Variants in EPHA3 observed in about 807,000 individuals in gnomAD.
The protein encoded by EPHA3 is ephrin type-A receptor 3.
EPHA3 carries 42 observed loss-of-function variants against 107.1 expected under a neutral mutation model. The ratio of observed to expected loss-of-function variants is 0.39; its 90% CI spans 0.31 to 0.51. The LOEUF is 0.51. Among genes scored for constraint, EPHA3 ranks in the 20% least tolerant of loss-of-function variants. The pLI is 0.78. For missense variants in EPHA3, 1,183 were observed against 1,211.2 expected, an observed-to-expected ratio of 0.98 and a Z score of 0.35; for synonymous variants, 461 against 424.8, an observed-to-expected ratio of 1.09 and a Z score of -1.05.
intron 9 of EPHA3, 136 bp from the exon 10 acceptor site, chr3:89,413,005 A>G: frequency 9.0e-7 from 1 of 1,109,112 alleles, no homozygotes; most frequent in Non-Finnish European, 1.3e-6. Context: ...AGTTTCTGTG[A>G]TACTACAGAA....
chr3:89,376,569 A>C (rs1559671459), intron 5 of EPHA3, among the ~76,000 whole-genome samples: 1 of 151,970 alleles, frequency 6.6e-6, no homozygotes, highest in Non-Finnish European at 1.5e-5. Context: ...TTTATGTTTT[A>C]ATTTCATCAA....
intron 15 of EPHA3, among the ~76,000 whole-genome samples, chr3:89,457,166 A>G (rs1428162949): frequency 1.3e-5 from 2 of 152,216 alleles, no homozygotes; most frequent in Non-Finnish European, 2.9e-5. Flanking sequence ...GGGGAACACT[A>G]CAGAAAAGGG....
At chr3:89,121,790 A>G (rs1434476696) in intron 1 of EPHA3, among the ~76,000 whole-genome samples, 1 of 152,152 alleles carries the variant, frequency 6.6e-6, no homozygotes, top group Non-Finnish European at 1.5e-5. Flanking sequence ...GGGTAGAAAG[A>G]AAATAAATAC....
At chr3:89,112,916 A>G (rs1277098194) in intron 1 of EPHA3, among the ~76,000 whole-genome samples, 1 of 151,966 alleles carries the variant, frequency 6.6e-6, no homozygotes, top group Non-Finnish European at 1.5e-5. Flanking sequence ...TTTATTTTTT[A>G]GCCTGCACAT....
At chr3:89,310,571 C>T (rs1181666810) in intron 3 of EPHA3, among the ~76,000 whole-genome samples, 1 of 151,694 alleles carries the variant, frequency 6.6e-6, no homozygotes, top group Non-Finnish European at 1.5e-5. Context: ...AATACCTTAC[C>T]TATTCACCTC....
intron 3 of EPHA3, among the ~76,000 whole-genome samples, chr3:89,316,501 G>GAA (rs1706903683): frequency 3.9e-5 from 4 of 103,196 alleles, no homozygotes; most frequent in Admixed American, 1.3e-4. Flanking sequence ...GTGTGTGTGT[G>GAA]TGTAATATAT....
At chr3:89,460,423 A>G (rs1355159723) in intron 15 of EPHA3, among the ~76,000 whole-genome samples, 2 of 152,174 alleles carry the variant, frequency 1.3e-5, no homozygotes, top group African/African-American at 4.8e-5. Flanking sequence ...AATTATATTT[A>G]GTTAATTTAA....
chr3:89,151,747 C>G (rs189548897), intron 2 of EPHA3, among the ~76,000 whole-genome samples: 5 of 151,934 alleles, frequency 3.3e-5, no homozygotes, highest in Admixed American at 3.3e-4. Flanking sequence ...TGTGTATAAA[C>G]GCACAAATTC....
chr3:89,239,196 G>A (rs1362836089), intron 3 of EPHA3, among the ~76,000 whole-genome samples: 3 of 152,160 alleles, frequency 2.0e-5, no homozygotes, highest in African/African-American at 7.2e-5. Flanking sequence ...ATCAAAAGCA[G>A]TCAGTCCTCA....
intron 1 of EPHA3, among the ~76,000 whole-genome samples, chr3:89,125,982 A>G (rs1489996023): frequency 1.3e-5 from 2 of 151,640 alleles, no homozygotes; most frequent in Non-Finnish European, 3.0e-5. Context: ...TTTTCTTAAC[A>G]TTTAAAAGAT....
chr3:89,475,875 CA>C (rs1448313289), intron 16 of EPHA3, among the ~76,000 whole-genome samples: 1 of 151,998 alleles, frequency 6.6e-6, no homozygotes, highest in Non-Finnish European at 1.5e-5. Context: ...ATGAAATGAG[CA>C]CACAGAGTGT....
intron 2 of EPHA3, among the ~76,000 whole-genome samples, chr3:89,166,872 A>G (rs1473632411): frequency 6.6e-6 from 1 of 152,184 alleles, no homozygotes; most frequent in Non-Finnish European, 1.5e-5. Flanking sequence ...GCACAAAAAC[A>G]CAAGCACAGC....
At chr3:89,414,590 G>A (rs535881547) in intron 10 of EPHA3, among the ~76,000 whole-genome samples, 5 of 151,636 alleles carry the variant, frequency 3.3e-5, no homozygotes, top group East Asian at 3.9e-4. Flanking sequence ...CGGAGCCTGC[G>A]GTAGCAAATG....
rs369423490 is a variant in EPHA3 at position 89,449,283 on chromosome 3, C to G, written c.2405C>G (p.Thr802Arg). The change falls in exon 14 of 17, where the codon ACG becomes AGG. Residue 802 changes from threonine to arginine, a missense_variant. Coordinates refer to ENST00000336596, the MANE Select transcript of EPHA3 (RefSeq NM_005233.6). ...GAAGCTATAGCCTACCGCAAGTTCA[C>G]GTCAGCCAGCGATGTATGGAGTTAT... ...SPEAIAYRKF[T>R]SASDVWSYGI... 1.9e-5 allele frequency: 31 copies of G among 1,612,234 alleles called. No individual in the cohort carries two copies. Among genetic ancestry groups the G allele is most frequent in the Non-Finnish European group, 2.6e-5 (31 of 1,178,842 alleles).
chr3:89,334,210 A>G (rs1343373131), intron 3 of EPHA3, among the ~76,000 whole-genome samples: 1 of 152,218 alleles, frequency 6.6e-6, no homozygotes, highest in Non-Finnish European at 1.5e-5. Flanking sequence ...TATATCATTC[A>G]GTCCATTTGA....
chr3:89,209,771 A>G, intron 2 of EPHA3, 89 bp from the exon 3 acceptor site: 3 of 1,120,728 alleles, frequency 2.7e-6, no homozygotes, highest in East Asian at 2.6e-5. Flanking sequence ...ATGATGATTT[A>G]TTATATAGAG....
At chr3:89,229,093 A>G (rs531690087) in intron 3 of EPHA3, among the ~76,000 whole-genome samples, 83 of 151,962 alleles carry the variant, frequency 5.5e-4, no homozygotes, top group Non-Finnish European at 1.1e-3. Flanking sequence ...AAATCTTGCT[A>G]AGATGCTTTG....
chr3:89,329,130 G>T (rs943267356), intron 3 of EPHA3, among the ~76,000 whole-genome samples: 1 of 152,068 alleles, frequency 6.6e-6, no homozygotes, highest in Admixed American at 6.6e-5. Context: ...ACTCCAAAGG[G>T]TTAATGGAAT....
intron 3 of EPHA3, among the ~76,000 whole-genome samples, chr3:89,211,734 CT>C: frequency 9.8e-5 from 1 of 10,238 alleles, no homozygotes; most frequent in Non-Finnish European, 2.6e-4. Context: ...TTTTCTTCTT[CT>C]TCTTCTCCTT....
Sources: gnomAD v4.1 joint callset for allele counts (sites outside exome capture counted in the v4.1 genomes callset) on GRCh38, gnomAD v4.1.1 for gene constraint, MANE v1.5 for transcripts, NCBI Gene and HGNC (gene_info 2026-07-23, HGNC 2026-07-21) for gene names.